SORCS2: variants seen among roughly 807,000 people sequenced by gnomAD.
SORCS2 encodes the protein VPS10 domain-containing receptor SorCS2.
Under a neutral mutation model 141.6 loss-of-function variants are expected in SORCS2, and 100 were observed. The ratio of observed to expected loss-of-function variants is 0.71; its 90% CI spans 0.60 to 0.83. The LOEUF is 0.83. SORCS2 is among the 40% of genes least tolerant of loss of function. SORCS2 has a pLI of 0.00. For missense variants in SORCS2, 1,646 were observed against 1,560.2 expected (o/e 1.05, Z -0.93); for synonymous variants, 789 against 676.9 (o/e 1.17, Z -2.57).
rs1240795396 is a variant in SORCS2, at chr4:7,604,005, TTG to T, written c.649-34317_649-34316del. 5.3e-5 allele frequency among the ~76,000 whole-genome samples: 8 copies of T among 150,322 alleles called. No homozygotes were observed. In the East Asian group the frequency reaches 9.6e-4, roughly 18 times the overall value. ...TGTGACTATGTTGCGTGTGACTCTG[TTG>T]TGTGTTTGTTGTGTGTTGTGTGTGA... On this transcript the variant is annotated intron_variant, in intron 3 of 26. Coordinates refer to ENST00000507866, the MANE Select transcript of SORCS2 (RefSeq NM_020777.3).
intron 1 of SORCS2, among the ~76,000 whole-genome samples, chr4:7,297,426 C>T (rs1029061332): frequency 3.3e-5 from 5 of 152,040 alleles, no homozygotes; most frequent in Admixed American, 1.3e-4. Context: ...CCCACCCCCA[C>T]CCCAGGGATC....
At chr4:7,223,188 T>C (rs1414212751) in intron 1 of SORCS2, among the ~76,000 whole-genome samples, 28 of 152,166 alleles carry the variant, frequency 1.8e-4, no homozygotes, top group Admixed American at 1.8e-3. Flanking sequence ...AAAAAGAAAC[T>C]GGACATGACC....
Position 7,687,296 on chromosome 4 carries a change from A to C in SORCS2, c.1489-2190A>C, listed in dbSNP as rs369437376. Among the ~76,000 whole-genome samples the C allele has an allele frequency of 6.8e-4, 103 of 152,292 alleles. No homozygotes were observed. The Middle Eastern group carries it at 0.01, about 15-fold the overall frequency. On this transcript the variant is annotated intron_variant, in intron 10 of 26. Transcript: ENST00000507866. ...AAGCCCAACCCTGCCTACCAAGATC[A>C]CAGCAGCCTCCCTCCTCAGCAAGTC...
chr4:7,555,854 G>T (rs1714066060), intron 3 of SORCS2, among the ~76,000 whole-genome samples: 1 of 152,216 alleles, frequency 6.6e-6, no homozygotes, highest in Non-Finnish European at 1.5e-5. Flanking sequence ...AAGAAGGTCA[G>T]TGTGACAGCA....
chr4:7,286,206 G>A lies in SORCS2; in HGVS notation c.480+93080G>A, dbSNP rs1003987067. ...TGTGCCGGTCCTCACTGCACGACTC[G>A]GACCCTGAGTCTCCTCGCGTGGGAA... On this transcript the variant is annotated intron_variant, in intron 1 of 26. Coordinates refer to ENST00000507866, the MANE Select transcript of SORCS2 (RefSeq NM_020777.3). This position sits in a 1 kb window ranked among gnomAD's most constrained non-coding sequence, Gnocchi z 4.1. Among the ~76,000 whole-genome samples, 4 of 152,216 alleles carry A rather than the reference G, an allele frequency of 2.6e-5. No homozygotes were observed. Among genetic ancestry groups the A allele is most frequent in the Non-Finnish European group, 5.9e-5 (4 of 68,028 alleles).
chr4:7,576,972 G>A (rs374771966), intron 3 of SORCS2, among the ~76,000 whole-genome samples: 1 of 152,356 alleles, frequency 6.6e-6, no homozygotes, highest in Admixed American at 6.5e-5. Flanking sequence ...GGATATTCAC[G>A]TGAAATGTCA....
At chr4:7,238,022 A>G (rs538284623) in intron 1 of SORCS2, among the ~76,000 whole-genome samples, 14 of 152,278 alleles carry the variant, frequency 9.2e-5, no homozygotes, top group African/African-American at 3.4e-4. Flanking sequence ...GATGGCTGTC[A>G]TCTGCAATGT....
intron 1 of SORCS2, among the ~76,000 whole-genome samples, chr4:7,383,811 G>A (rs915349724): frequency 3.3e-5 from 5 of 152,246 alleles, no homozygotes; most frequent in Admixed American, 6.5e-5. Flanking sequence ...AAGGAGTGAC[G>A]GGTGAAATTA....
chr4:7,243,330 G>T (rs1712840434), intron 1 of SORCS2, among the ~76,000 whole-genome samples: 1 of 152,204 alleles, frequency 6.6e-6, no homozygotes, highest in African/African-American at 2.4e-5. Context: ...GCTAAGCTGA[G>T]AACCGAGGTT....
At chr4:7,731,668 G>T (rs576214109) in intron 23 of SORCS2, among the ~76,000 whole-genome samples, 2 of 152,060 alleles carry the variant, frequency 1.3e-5, no homozygotes, top group Admixed American at 1.3e-4. Context: ...ATACATGTAC[G>T]GTCAATTGAT....
Position 7,308,289 on chromosome 4 carries a change from G to A in SORCS2, c.481-87999G>A, listed in dbSNP as rs969825934. ...AGGCAGTAGGAGCACCCCCACCACC[G>A]CCTCCAACCCCCTGCCCCTTCTGCT... On this transcript the variant is annotated intron_variant, in intron 1 of 26. Transcript: ENST00000507866. Among the ~76,000 whole-genome samples, 3 of 151,134 alleles carry A rather than the reference G, an allele frequency of 2.0e-5. No homozygotes were observed. In the East Asian group the frequency reaches 5.8e-4, roughly 29 times the overall value.
At chr4:7,364,052 A>C (rs1721739228) in intron 1 of SORCS2, among the ~76,000 whole-genome samples, 1 of 150,642 alleles carries the variant, frequency 6.6e-6, no homozygotes, top group Non-Finnish European at 1.5e-5. Context: ...CCGTCACCAT[A>C]ACCATGCCTC....
intron 1 of SORCS2, among the ~76,000 whole-genome samples, chr4:7,242,864 C>T (rs1577314520): frequency 6.6e-6 from 1 of 152,230 alleles, no homozygotes; most frequent in Admixed American, 6.5e-5. Context: ...AGGGATCACA[C>T]CTTACCATTC....
chr4:7,478,242 G>T (rs969962497), intron 2 of SORCS2, among the ~76,000 whole-genome samples: 1 of 152,126 alleles, frequency 6.6e-6, no homozygotes, highest in Non-Finnish European at 1.5e-5. Flanking sequence ...CAGGAGGAAG[G>T]TGAAACACTC....
At chr4:7,485,160 C>T (rs1730898217) in intron 2 of SORCS2, among the ~76,000 whole-genome samples, 1 of 152,238 alleles carries the variant, frequency 6.6e-6, no homozygotes, top group African/African-American at 2.4e-5. Context: ...GTTTGCTCAC[C>T]TTCCAGGACA....
chr4:7,600,199 C>T (rs1055654636), intron 3 of SORCS2, among the ~76,000 whole-genome samples: 1 of 152,148 alleles, frequency 6.6e-6, no homozygotes, highest in Non-Finnish European at 1.5e-5. Context: ...CTAATTTGAT[C>T]AAAGGTGGAA....
intron 1 of SORCS2, among the ~76,000 whole-genome samples, chr4:7,220,157 A>C (rs538285568): frequency 6.6e-6 from 1 of 152,084 alleles, no homozygotes; most frequent in African/African-American, 2.4e-5. Context: ...GGCTGGTGGC[A>C]GGCAGCTCTG....
intron 1 of SORCS2, among the ~76,000 whole-genome samples, chr4:7,249,795 A>G (rs1254648979): frequency 2.0e-5 from 3 of 152,190 alleles, no homozygotes; most frequent in Non-Finnish European, 4.4e-5. Context: ...AGTATAGACG[A>G]CAAGAAAAAA....
At chr4:7,597,396 A>C (rs1717344885) in intron 3 of SORCS2, among the ~76,000 whole-genome samples, 1 of 123,078 alleles carries the variant, frequency 8.1e-6, no homozygotes, top group Admixed American at 9.8e-5. Flanking sequence ...TGTGCAATAG[A>C]GGAGGGGCTG....
Sources: allele counts gnomAD v4.1 joint callset (sites outside exome capture counted in the v4.1 genomes callset), GRCh38; gene constraint gnomAD v4.1.1; non-coding constraint Gnocchi (gnomAD v3.1); transcripts MANE v1.5; gene names NCBI Gene and HGNC (gene_info 2026-07-23, HGNC 2026-07-21).